CLSTN2: variants seen among roughly 807,000 people sequenced by gnomAD.
CLSTN2 encodes the protein calsyntenin 2.
Under a neutral mutation model 101.2 loss-of-function variants are expected in CLSTN2, and 48 were observed. That is an observed-to-expected ratio of 0.47 (90% CI 0.38 to 0.60). CLSTN2 has a LOEUF of 0.60. Among genes scored for constraint, CLSTN2 ranks in the 20% least tolerant of loss-of-function variants. The pLI, the probability that CLSTN2 is intolerant of heterozygous loss-of-function variation, is 0.00. For missense variants in CLSTN2, 1,160 were observed against 1,238.2 expected, an observed-to-expected ratio of 0.94 and a Z score of 0.95; for synonymous variants, 481 against 463.6, an observed-to-expected ratio of 1.04 and a Z score of -0.48.
intron 1 of CLSTN2, among the ~76,000 whole-genome samples, chr3:140,048,287 T>C (rs897414571): frequency 5.3e-5 from 8 of 152,196 alleles, no homozygotes; most frequent in African/African-American, 1.7e-4. Context: ...GCATGGACCA[T>C]ATCTTGGGAA....
At chr3:140,306,363 C>T (rs892940270) in intron 2 of CLSTN2, among the ~76,000 whole-genome samples, 1 of 152,108 alleles carries the variant, frequency 6.6e-6, no homozygotes, top group African/African-American at 2.4e-5. Flanking sequence ...GTAATTCCTT[C>T]CCACAGCATC....
At chr3:140,370,467 A>T (rs1576536526) in intron 2 of CLSTN2, among the ~76,000 whole-genome samples, 1 of 151,930 alleles carries the variant, frequency 6.6e-6, no homozygotes, top group Non-Finnish European at 1.5e-5. Context: ...TGCTCAGTAT[A>T]TATGTAGGAG....
intron 1 of CLSTN2, among the ~76,000 whole-genome samples, chr3:140,019,262 A>G (rs2107754884): frequency 6.6e-6 from 1 of 152,332 alleles, no homozygotes. Context: ...TTTAGATGTT[A>G]TTAACACTTA....
chr3:140,216,909 C>T (rs4312621), intron 2 of CLSTN2, among the ~76,000 whole-genome samples: 142,903 of 152,278 alleles, frequency 0.94, 67,726 homozygotes, highest in East Asian at 1. Context: ...CAGGCTCTGT[C>T]ATAAATGCCT....
intron 2 of CLSTN2, among the ~76,000 whole-genome samples, chr3:140,280,570 T>A (rs1444766689): frequency 6.6e-6 from 1 of 152,268 alleles, no homozygotes; most frequent in East Asian, 1.9e-4. Flanking sequence ...AGATAAAGAA[T>A]GATAAGGACA....
At chr3:140,448,415 T>C (rs1434264088) in intron 5 of CLSTN2, 104 bp from the exon 6 acceptor site, 1 of 955,042 alleles carries the variant, frequency 1.0e-6, no homozygotes, top group East Asian at 2.4e-5. Context: ...AATATATGTG[T>C]TGGGGCAAAT....
At chr3:140,523,052 C>A (rs567061119) in intron 8 of CLSTN2, among the ~76,000 whole-genome samples, 187 of 152,140 alleles carry the variant, frequency 1.2e-3, no homozygotes, top group African/African-American at 4.4e-3. Flanking sequence ...CTAAAGACTT[C>A]AAGGATGCAT....
intron 1 of CLSTN2, among the ~76,000 whole-genome samples, chr3:139,992,382 G>T (rs1426031): frequency 0.99 from 151,235 of 152,246 alleles, 75,124 homozygotes; most frequent in East Asian, 1. Flanking sequence ...CTACTCTTAC[G>T]TCCTGAGACA....
chr3:140,081,401 C>A (rs180713284), intron 1 of CLSTN2, among the ~76,000 whole-genome samples: 6 of 152,174 alleles, frequency 3.9e-5, no homozygotes, highest in Non-Finnish European at 7.4e-5. Context: ...CATTAGTATT[C>A]TGCGTGAAAA....
intron 1 of CLSTN2, among the ~76,000 whole-genome samples, chr3:140,165,030 A>T (rs1297000113): frequency 6.6e-6 from 1 of 152,202 alleles, no homozygotes; most frequent in African/African-American, 2.4e-5. Context: ...AGCACCTATC[A>T]AGCAGTTAAG....
intron 5 of CLSTN2, among the ~76,000 whole-genome samples, chr3:140,426,261 A>G (rs1329125637): frequency 6.6e-6 from 1 of 152,136 alleles, no homozygotes; most frequent in Non-Finnish European, 1.5e-5. Flanking sequence ...GTAGCTATTT[A>G]TACTAATGCT....
At chr3:140,429,148 T>G (rs2088602665) in intron 5 of CLSTN2, among the ~76,000 whole-genome samples, 1 of 152,220 alleles carries the variant, frequency 6.6e-6, no homozygotes, top group Non-Finnish European at 1.5e-5. Context: ...TTTTAGTTAT[T>G]GGCATTGTGA....
chr3:139,939,642 C>A (rs1445263764), intron 1 of CLSTN2, among the ~76,000 whole-genome samples: 2 of 152,238 alleles, frequency 1.3e-5, no homozygotes, highest in African/African-American at 4.8e-5. Context: ...TCGCTTAGAG[C>A]AGTCACCTCA....
chr3:139,948,472 A>G (rs1224926699), intron 1 of CLSTN2, among the ~76,000 whole-genome samples: 1 of 151,960 alleles, frequency 6.6e-6, no homozygotes, highest in Non-Finnish European at 1.5e-5. Flanking sequence ...CAAGAAAAAA[A>G]AAAGCAAAGA....
At chr3:140,024,522 C>T (rs1234084593) in intron 1 of CLSTN2, among the ~76,000 whole-genome samples, 1 of 152,176 alleles carries the variant, frequency 6.6e-6, no homozygotes, top group East Asian at 1.9e-4. Flanking sequence ...CTGCAGCCCC[C>T]TAGGCAGTCT....
In CLSTN2 at chr3:140,187,530, T is replaced by C. The variant is rs201678174; in HGVS notation, c.232+11457T>C. Reference sequence around the variant, plus strand: ...TGTTCTTTCTATAATCTCATAGTCTTTCCTTTTCAGAGAAGGCTTGATGCT... The same window carrying C: ...TGTTCTTTCTATAATCTCATAGTCTCTCCTTTTCAGAGAAGGCTTGATGCT... On this transcript the variant is annotated intron_variant, in intron 2 of 16. Transcript: ENST00000458420. Among the ~76,000 whole-genome samples the C allele has an allele frequency of 3.9e-5, 6 of 152,208 alleles. No homozygotes were observed. The East Asian group carries it at 7.7e-4, about 20-fold the overall frequency.
At chr3:139,983,196 A>C (rs1935962633) in intron 1 of CLSTN2, among the ~76,000 whole-genome samples, 2 of 152,014 alleles carry the variant, frequency 1.3e-5, no homozygotes, top group South Asian at 4.1e-4. Flanking sequence ...ATATATTTCG[A>C]TTGGCGAAAT....
intron 2 of CLSTN2, among the ~76,000 whole-genome samples, chr3:140,241,094 G>C (rs746099703): frequency 2.0e-5 from 3 of 152,146 alleles, no homozygotes; most frequent in Non-Finnish European, 4.4e-5. Flanking sequence ...TATGCTTTCT[G>C]TTCTTAATAT....
At chr3:140,334,009 G>C (rs558778638) in intron 2 of CLSTN2, among the ~76,000 whole-genome samples, 2 of 152,286 alleles carry the variant, frequency 1.3e-5, no homozygotes, top group South Asian at 2.1e-4. Flanking sequence ...TGTTGTTATG[G>C]AAAGAGCAAG....
Sources: gnomAD v4.1 joint callset for allele counts (sites outside exome capture counted in the v4.1 genomes callset) on GRCh38, gnomAD v4.1.1 for gene constraint, MANE v1.5 for transcripts, NCBI Gene and HGNC (gene_info 2026-07-23, HGNC 2026-07-21) for gene names.